Variants in SCG3 observed in about 807,000 individuals in gnomAD.
The protein encoded by SCG3 is secretogranin-3.
In SCG3, 38 loss-of-function variants were observed where a neutral mutation model predicts 56.2. The ratio of observed to expected loss-of-function variants is 0.68; its 90% CI spans 0.52 to 0.89. The LOEUF is 0.89. Among genes scored for constraint, SCG3 ranks in the 40% least tolerant of loss-of-function variants. The pLI, the probability that SCG3 is intolerant of heterozygous loss-of-function variation, is 0.00. For synonymous variants in SCG3, 176 were observed against 184.2 expected, an observed-to-expected ratio of 0.96 and a Z score of 0.36; for missense variants, 524 against 540.7, an observed-to-expected ratio of 0.97 and a Z score of 0.31.
intron 10 of SCG3, among the ~76,000 whole-genome samples, chr15:51,706,450 G>A (rs1296918658): frequency 6.6e-6 from 1 of 152,154 alleles, no homozygotes; most frequent in African/African-American, 2.4e-5. Flanking sequence ...GATAGAACAG[G>A]ATCCCTTCAG....
rs1202961713 is a variant in SCG3 at position 51,719,591 on chromosome 15, C to T, written c.*65C>T. On this transcript the variant is annotated 3_prime_UTR_variant, in exon 12 of 12. Coordinates refer to ENST00000220478, the MANE Select transcript of SCG3 (RefSeq NM_013243.4). ...AAACATAATATAGCTTAAAACACTT[C>T]TAATTCTGTGATTAAAATTTTTTGA... The T allele has an allele frequency of 2.9e-5, 34 of 1,159,058 alleles. No homozygotes were observed. Among genetic ancestry groups the T allele is most frequent in the Non-Finnish European group, 4.0e-5 (32 of 795,368 alleles). The allele number at this position is 1,159,058 out of a possible 1,614,324, so 71.8% of individuals were successfully genotyped here. A position where few individuals can be genotyped will look rare whatever the true frequency, so the allele number is the denominator to read the frequency against.
chr15:51,686,516 T>C (rs1311630669), intron 4 of SCG3, among the ~76,000 whole-genome samples: 2 of 152,190 alleles, frequency 1.3e-5, no homozygotes, highest in Non-Finnish European at 2.9e-5. Context: ...GGGAAATAAA[T>C]TCTTCCACCT....
intron 10 of SCG3, among the ~76,000 whole-genome samples, chr15:51,705,002 T>C (rs2141574754): frequency 6.6e-6 from 1 of 152,018 alleles, no homozygotes; most frequent in South Asian, 2.1e-4. Context: ...TTTCTGGATT[T>C]TTTTTTATCC....
rs2055302272 is a variant in SCG3 at position 51,696,139 on chromosome 15, A to C, written c.985+148A>C. ...AATCGACCAGTTTGATAATATATAC[A>C]AATAAAATTAACTTTTTCAACTTGT... On this transcript the variant is annotated intron_variant, in intron 8 of 11. Transcript: ENST00000220478. 18 of 643,924 alleles carry C rather than the reference A, an allele frequency of 2.8e-5. No individual in the cohort carries two copies. In the South Asian group the frequency reaches 3.5e-4, roughly 13 times the overall value. The allele number at this position is 643,924 out of a possible 1,614,324, so 39.9% of individuals were successfully genotyped here.
chr15:51,685,398 C>T (rs934561106), intron 4 of SCG3, among the ~76,000 whole-genome samples: 1 of 152,146 alleles, frequency 6.6e-6, no homozygotes, highest in East Asian at 1.9e-4. Context: ...TTTGATCTGA[C>T]CGCTAATTTG....
chr15:51,702,007 A>T (rs2055342736), intron 10 of SCG3, among the ~76,000 whole-genome samples: 1 of 152,226 alleles, frequency 6.6e-6, no homozygotes, highest in Admixed American at 6.5e-5. Flanking sequence ...TGGGTGCAGC[A>T]CACCAGCATG....
rs2055486282 is a variant in SCG3 at position 51,720,012 on chromosome 15, G to A, written c.*486G>A. Reference sequence around the variant, plus strand: ...ATTTTCTCAAAGTCTCATAGCTTTGGAGGAGCCATCTGCTTTTTTGGCTGC... The same window carrying A: ...ATTTTCTCAAAGTCTCATAGCTTTGAAGGAGCCATCTGCTTTTTTGGCTGC... On this transcript the variant is annotated 3_prime_UTR_variant, in exon 12 of 12. Coordinates refer to ENST00000220478, the MANE Select transcript of SCG3 (RefSeq NM_013243.4). The A allele has an allele frequency of 6.6e-6, 1 of 152,592 alleles. No individual in the cohort carries two copies. The highest frequency in any genetic ancestry group is 1.5e-5 in the Non-Finnish European group (1 of 68,358). The allele number at this position is 152,592 out of a possible 1,614,324, so 9.5% of individuals were successfully genotyped here.
intron 8 of SCG3, among the ~76,000 whole-genome samples, chr15:51,698,529 G>T (rs544861131): frequency 6.6e-6 from 1 of 152,320 alleles, no homozygotes; most frequent in East Asian, 1.9e-4. Context: ...ATTAGTGAAA[G>T]CCCTGAAAGA....
chr15:51,695,542 G>C (rs571314391), intron 7 of SCG3: 45 of 166,414 alleles, frequency 2.7e-4, no homozygotes, highest in Admixed American at 1.9e-3. Context: ...TAGATTTTTT[G>C]TAAGTTAAAT....
rs1282000043 is a variant in SCG3 at position 51,681,555 on chromosome 15, T to C, written c.-201T>C. ...ACAGCGCTCCCCTCTACCTGGAGACTTGACTCCCGCGCGCCCCAACCCTGC... is the reference window on the plus strand; with the variant it reads ...ACAGCGCTCCCCTCTACCTGGAGACCTGACTCCCGCGCGCCCCAACCCTGC... On this transcript the variant is annotated 5_prime_UTR_variant, in exon 1 of 12. Coordinates refer to ENST00000220478, the MANE Select transcript of SCG3 (RefSeq NM_013243.4). 5 of 584,638 alleles carry C rather than the reference T, an allele frequency of 8.6e-6. No homozygotes were observed. The highest frequency in any genetic ancestry group is 1.5e-5 in the Non-Finnish European group (5 of 326,060). 36.2% of individuals were successfully genotyped at this position (584,638 alleles called of 1,614,324 possible).
chr15:51,692,898 G>A (rs536786826), intron 7 of SCG3, among the ~76,000 whole-genome samples: 1 of 151,808 alleles, frequency 6.6e-6, no homozygotes, highest in East Asian at 1.9e-4. Flanking sequence ...TGTGTGTGAT[G>A]AGAACACTTA....
chr15:51,681,545 A>C lies in SCG3; in HGVS notation c.-211A>C, dbSNP rs2055193564. On this transcript the variant is annotated 5_prime_UTR_variant, in exon 1 of 12. Transcript: ENST00000220478. ...CACAGGGCGGACAGCGCTCCCCTCTACCTGGAGACTTGACTCCCGCGCGCC... is the reference window on the plus strand; with the variant it reads ...CACAGGGCGGACAGCGCTCCCCTCTCCCTGGAGACTTGACTCCCGCGCGCC... The C allele has an allele frequency of 3.5e-6, 2 of 579,470 alleles. No individual in the cohort carries two copies. The highest frequency in any genetic ancestry group is 3.8e-5 in the African/African-American group (2 of 53,322). 35.9% of individuals were successfully genotyped at this position (579,470 alleles called of 1,614,324 possible).
intron 10 of SCG3, among the ~76,000 whole-genome samples, chr15:51,709,633 TA>T (rs56891222): frequency 0.53 from 56,399 of 106,320 alleles, 15,654 homozygotes; most frequent in East Asian, 0.76. Context: ...TCATTTTCAC[TA>T]AAAAAAAAGG....
chr15:51,682,753 C>T lies in SCG3; in HGVS notation c.135+184C>T, dbSNP rs3214015. Among the ~76,000 whole-genome samples the T allele has an allele frequency of 4.2e-3, 647 of 152,288 alleles. 25 individuals carry two copies. In the East Asian group the frequency reaches 0.065, roughly 15 times the overall value. ...AATTCTATGCCCTAGCAGTTATTTA[C>T]ATTGAGTTCTGTATAATGAATACAT... On this transcript the variant is annotated intron_variant, in intron 2 of 11. Coordinates refer to ENST00000220478, the MANE Select transcript of SCG3 (RefSeq NM_013243.4).
chr15:51,710,871 C>T (rs2055416382), intron 10 of SCG3, among the ~76,000 whole-genome samples: 1 of 151,156 alleles, frequency 6.6e-6, no homozygotes, highest in East Asian at 1.9e-4. Flanking sequence ...GCTGGGATCA[C>T]AGGTGTGAGC....
intron 10 of SCG3, among the ~76,000 whole-genome samples, chr15:51,709,989 G>A (rs935257215): frequency 6.7e-6 from 1 of 149,416 alleles, no homozygotes; most frequent in African/African-American, 2.5e-5. Flanking sequence ...GCCCGCCTCG[G>A]CCTCCCAAAG....
At chr15:51,706,523 C>A (rs1015076303) in intron 10 of SCG3, among the ~76,000 whole-genome samples, 1 of 152,068 alleles carries the variant, frequency 6.6e-6, no homozygotes, top group African/African-American at 2.4e-5. Context: ...CAGCTAAAAC[C>A]ACTTAAGGAA....
intron 10 of SCG3, among the ~76,000 whole-genome samples, chr15:51,703,071 ACT>A (rs1470359062): frequency 6.6e-6 from 1 of 152,046 alleles, no homozygotes; most frequent in Non-Finnish European, 1.5e-5. Context: ...ACACCATTGG[ACT>A]CTCTGAAAAG....
At chr15:51,716,331 C>T (rs780477291) in intron 11 of SCG3, among the ~76,000 whole-genome samples, 1 of 152,204 alleles carries the variant, frequency 6.6e-6, no homozygotes, top group African/African-American at 2.4e-5. Flanking sequence ...GAATCATCGC[C>T]TTAGGTGCGG....
Sources: gnomAD v4.1 joint callset for allele counts (sites outside exome capture counted in the v4.1 genomes callset) on GRCh38, gnomAD v4.1.1 for gene constraint, MANE v1.5 for transcripts, NCBI Gene and HGNC (gene_info 2026-07-23, HGNC 2026-07-21) for gene names.